ATP6V1C2: variants seen among roughly 807,000 people sequenced by gnomAD.
ATP6V1C2 encodes the protein ATPase H+ transporting V1 subunit C2, also known as V-type proton ATPase subunit C 2.
Under a neutral mutation model 56.8 loss-of-function variants are expected in ATP6V1C2, and 45 were observed. The observed-to-expected ratio is 0.79, with a 90% CI of 0.62 to 1.02. The LOEUF is 1.02. Among genes scored for constraint, ATP6V1C2 ranks in the 50% least tolerant of loss-of-function variants. The pLI, the probability that ATP6V1C2 is intolerant of heterozygous loss-of-function variation, is 0.00. For missense variants in ATP6V1C2, 463 were observed against 519.7 expected, an observed-to-expected ratio of 0.89 and a Z score of 1.06; for synonymous variants, 220 against 201.3, an observed-to-expected ratio of 1.09 and a Z score of -0.79.
chr2:10,779,886 G>A (rs1161188599), intron 12 of ATP6V1C2, among the ~76,000 whole-genome samples: 1 of 152,048 alleles, frequency 6.6e-6, no homozygotes, highest in Non-Finnish European at 1.5e-5. Context: ...TATGAAAGTG[G>A]AATCAGAGGA....
intron 3 of ATP6V1C2, among the ~76,000 whole-genome samples, chr2:10,735,471 C>T (rs370971166): frequency 6.6e-6 from 1 of 152,150 alleles, no homozygotes; most frequent in African/African-American, 2.4e-5. Flanking sequence ...CCACGCCCAG[C>T]CTTAGACATT....
intron 3 of ATP6V1C2, among the ~76,000 whole-genome samples, chr2:10,737,308 T>G (rs1662306371): frequency 6.7e-6 from 1 of 148,190 alleles, no homozygotes; most frequent in Admixed American, 6.8e-5. Flanking sequence ...TGGGTGCTTA[T>G]AATCCCAGCT....
At chr2:10,776,949 T>C (rs1176033179) in intron 10 of ATP6V1C2, among the ~76,000 whole-genome samples, 1 of 152,208 alleles carries the variant, frequency 6.6e-6, no homozygotes, top group Non-Finnish European at 1.5e-5. Context: ...CTCCTGAGAA[T>C]CTGGCCCCCT....
intron 3 of ATP6V1C2, among the ~76,000 whole-genome samples, chr2:10,748,945 A>G (rs1417507761): frequency 6.6e-6 from 1 of 151,966 alleles, no homozygotes; most frequent in East Asian, 1.9e-4. Flanking sequence ...CCTGGCCAAC[A>G]TGGTGACACC....
intron 1 of ATP6V1C2, 54 bp downstream of exon 1, chr2:10,721,785 G>C (rs1661373658): frequency 6.6e-6 from 1 of 152,102 alleles, no homozygotes; most frequent in Non-Finnish European, 1.5e-5. Flanking sequence ...TGGGGACACA[G>C]GCACGGGGTC....
rs138029406 is a variant in ATP6V1C2 at position 10,730,327 on chromosome 2, G to C, written c.197+3758G>C. Among the ~76,000 whole-genome samples the C allele has an allele frequency of 5.2e-4, 79 of 152,202 alleles. 1 individual carries two copies. The East Asian group carries it at 0.014, about 26-fold the overall frequency. On this transcript the variant is annotated intron_variant, in intron 3 of 13. Coordinates refer to ENST00000272238, the MANE Select transcript of ATP6V1C2 (RefSeq NM_001039362.2). ...GATGGGGTTTCACCATGTTGGGCAG[G>C]CTGGTCTCGAACTCCTAACCTCAAG...
chr2:10,784,294 ATCACTGAGGTCAATG>A lies in ATP6V1C2; in HGVS notation c.*1035_*1049del. On this transcript the variant is annotated 3_prime_UTR_variant, in exon 14 of 14. Transcript: ENST00000272238. ...CTTTCCCTAAGTCATCAAGCTCCAC[ATCACTGAGGTCAATG>A]TCATCCTCCACGGGAAGCTGGGAGA... 1 of 1,613,516 alleles carries A rather than the reference ATCACTGAGGTCAATG, an allele frequency of 6.2e-7. No homozygotes were observed. The highest frequency in any genetic ancestry group is 8.5e-7 in the Non-Finnish European group (1 of 1,179,884).
chr2:10,752,663 A>G (rs1267153826), intron 3 of ATP6V1C2, among the ~76,000 whole-genome samples: 1 of 152,174 alleles, frequency 6.6e-6, no homozygotes, highest in East Asian at 1.9e-4. Flanking sequence ...TCCACATTTT[A>G]TAGGTAATAG....
rs760637328 is a variant in ATP6V1C2, at chr2:10,768,813, G to A, written c.470+3G>A. On this transcript the variant is annotated splice_donor_region_variant and intron_variant, in intron 6 of 13. Transcript: ENST00000272238. The stretch of plus-strand genomic sequence containing the variant: ...GAGAACCTGGAAAAGAAATCCATGT[G>A]TGTATTTGCCAGCCTCCACATCTGG... 6.2e-7 allele frequency: 1 copy of A among 1,613,382 alleles called. No individual in the cohort carries two copies. The highest frequency in any genetic ancestry group is 2.2e-5 in the East Asian group (1 of 44,874).
chr2:10,765,464 C>G (rs929318534), intron 5 of ATP6V1C2, among the ~76,000 whole-genome samples: 3 of 152,238 alleles, frequency 2.0e-5, no homozygotes, highest in Non-Finnish European at 4.4e-5. Context: ...CAAAGGCACC[C>G]GGTTTTCTAC....
chr2:10,741,074 C>T (rs973457969), intron 3 of ATP6V1C2, among the ~76,000 whole-genome samples: 2 of 152,216 alleles, frequency 1.3e-5, no homozygotes, highest in East Asian at 1.9e-4. Flanking sequence ...ATGAGAATTC[C>T]GTTCTTAGTG....
chr2:10,751,256 A>C (rs1663197396), intron 3 of ATP6V1C2, among the ~76,000 whole-genome samples: 1 of 152,044 alleles, frequency 6.6e-6, no homozygotes, highest in African/African-American at 2.4e-5. Flanking sequence ...TCTCCTGCCA[A>C]ATCTACCCAG....
intron 4 of ATP6V1C2, among the ~76,000 whole-genome samples, chr2:10,757,939 A>C (rs1663652304): frequency 6.6e-6 from 1 of 152,204 alleles, no homozygotes; most frequent in Admixed American, 6.5e-5. Flanking sequence ...TGAATGTTAG[A>C]GGGAGCCATT....
chr2:10,782,455 C>A, intron 13 of ATP6V1C2, 80 bp downstream of exon 13: 2 of 1,513,658 alleles, frequency 1.3e-6, no homozygotes, highest in Non-Finnish European at 1.8e-6. Context: ...CCTGTAATCC[C>A]AACACTTTGG....
chr2:10,729,630 A>T (rs1288454400), intron 3 of ATP6V1C2, among the ~76,000 whole-genome samples: 2 of 152,212 alleles, frequency 1.3e-5, no homozygotes, highest in Non-Finnish European at 2.9e-5. Flanking sequence ...CCAAGGCAGG[A>T]GGGACAGTTG....
intron 3 of ATP6V1C2, among the ~76,000 whole-genome samples, chr2:10,735,740 C>A (rs1436343781): frequency 8.1e-6 from 1 of 124,164 alleles, no homozygotes; most frequent in Non-Finnish European, 1.5e-5. Flanking sequence ...CTATGCCTGG[C>A]TAATTTTTTT....
intron 6 of ATP6V1C2, 67 bp downstream of exon 6, chr2:10,768,877 C>T: frequency 7.4e-7 from 1 of 1,346,116 alleles, no homozygotes; most frequent in Non-Finnish European, 1.1e-6. Flanking sequence ...GCTTGCCTGT[C>T]CTCTCACTGG....
At chr2:10,743,581 A>T (rs1461631975) in intron 3 of ATP6V1C2, among the ~76,000 whole-genome samples, 1 of 151,594 alleles carries the variant, frequency 6.6e-6, no homozygotes, top group Non-Finnish European at 1.5e-5. Context: ...TCAATGGCTC[A>T]CACCTGTAAT....
At chr2:10,759,270 G>A (rs980955582) in intron 4 of ATP6V1C2, among the ~76,000 whole-genome samples, 2 of 152,208 alleles carry the variant, frequency 1.3e-5, no homozygotes, top group Admixed American at 1.3e-4. Flanking sequence ...CTCCAGCAGA[G>A]CTGGGAGCAG....
Sources: allele counts gnomAD v4.1 joint callset (sites outside exome capture counted in the v4.1 genomes callset), GRCh38; gene constraint gnomAD v4.1.1; transcripts MANE v1.5; gene names NCBI Gene and HGNC (gene_info 2026-07-23, HGNC 2026-07-21).